PAK3: variants seen among roughly 807,000 people sequenced by gnomAD.
The protein encoded by PAK3 is serine/threonine-protein kinase PAK 3.
In PAK3, 4 loss-of-function variants were observed where a neutral mutation model predicts 41.0. The ratio of observed to expected loss-of-function variants is 0.10; its 90% CI spans 0.05 to 0.22. PAK3 has a LOEUF of 0.22. Among genes scored for constraint, PAK3 ranks in the 10% least tolerant of loss-of-function variants. PAK3 has a pLI of 1.00. For synonymous variants in PAK3, 146 were observed against 139.6 expected (o/e 1.05, Z -0.32); for missense variants, 205 against 409.9 (o/e 0.50, Z 4.32).
At chrX:111,051,290 TTGA>T (rs1044476685) in intron 1 of PAK3, among the ~76,000 whole-genome samples, 1 of 111,880 alleles carries the variant, frequency 8.9e-6, no homozygotes, top group Admixed American at 9.5e-5. Flanking sequence ...TAAATATTTG[TTGA>T]ATATGAATAT....
At chrX:111,009,547 C>T (rs902893591) in intron 1 of PAK3, among the ~76,000 whole-genome samples, 2 of 111,489 alleles carry the variant, frequency 1.8e-5, no homozygotes, top group Non-Finnish European at 3.8e-5. Context: ...TCAATTATGA[C>T]GTCTGAGAAT....
At chrX:111,104,139 T>A (rs1044352233) in intron 4 of PAK3, among the ~76,000 whole-genome samples, 15 of 111,703 alleles carry the variant, frequency 1.3e-4, no homozygotes, top group African/African-American at 4.9e-4. Context: ...CTATTTGTTT[T>A]TTTGTCTGCC....
chrX:111,011,808 G>A (rs1402581788), intron 1 of PAK3, among the ~76,000 whole-genome samples: 1 of 112,175 alleles, frequency 8.9e-6, no homozygotes, highest in African/African-American at 3.2e-5. Context: ...GTACTAGAAT[G>A]GGATTGTGAG....
In PAK3 at chrX:110,957,251, CA is replaced by C. The variant is rs1270914011; in HGVS notation, c.-28+12628del. ...CATGTATTATCTCATTTAATAGTCA[CA>C]AAAACCCTATGAGGCAGGCACTATT... On this transcript the variant is annotated intron_variant, in intron 1 of 14. Coordinates refer to the PAK3 transcript ENST00000425146. Among the ~76,000 whole-genome samples the C allele has an allele frequency of 4.4e-5, 5 of 112,394 alleles. No homozygotes were observed. The South Asian group carries it at 1.9e-3, about 42-fold the overall frequency.
At chrX:111,099,406 C>A (rs950459200) in intron 3 of PAK3, among the ~76,000 whole-genome samples, 1 of 111,186 alleles carries the variant, frequency 9.0e-6, no homozygotes, top group Non-Finnish European at 1.9e-5. Flanking sequence ...GGTGCAGCTA[C>A]AGCTGGGTCT....
In PAK3 at chrX:111,224,834, A is replaced by G. The variant is rs1268995535; in HGVS notation, c.*4387A>G. On this transcript the variant is annotated 3_prime_UTR_variant, in exon 18 of 18. Coordinates refer to ENST00000372007, the MANE Select transcript of PAK3 (RefSeq NM_002578.5). The stretch of plus-strand genomic sequence containing the variant: ...TAAAAGCAGACCCTATACCTAGAGA[A>G]GTCACTGGCTTTTTATTGGTCATTC... 1 of 112,533 alleles carries G rather than the reference A, an allele frequency of 8.9e-6. No individual in the cohort carries two copies. Among genetic ancestry groups the G allele is most frequent in the African/African-American group, 3.2e-5 (1 of 30,950 alleles). 9.3% of individuals were successfully genotyped at this position (112,533 alleles called of 1,213,427 possible). A position where few individuals can be genotyped will look rare whatever the true frequency, so the allele number is the denominator to read the frequency against.
intron 1 of PAK3, among the ~76,000 whole-genome samples, chrX:111,077,560 A>G (rs1476469103): frequency 1.8e-5 from 2 of 112,160 alleles, no homozygotes; most frequent in African/African-American, 6.5e-5. Flanking sequence ...CAATGGGGAA[A>G]GAACAGTCTC....
intron 1 of PAK3, among the ~76,000 whole-genome samples, chrX:111,055,483 G>A (rs957607912): frequency 8.9e-6 from 1 of 112,231 alleles, no homozygotes; most frequent in Non-Finnish European, 1.9e-5. Context: ...TCTTCACAGA[G>A]CATTTGGCAA....
intron 1 of PAK3, among the ~76,000 whole-genome samples, chrX:110,978,987 T>A (rs1433198189): frequency 9.0e-6 from 1 of 111,569 alleles, no homozygotes; most frequent in Admixed American, 9.6e-5. Context: ...AAATTACAAA[T>A]TCAGTTTTCT....
rs1396418269 is a variant in PAK3 at position 111,065,792 on chromosome X, T to C, written c.-27-57285T>C. ...TTTTTCCTGACTCAATCTTGGAAGATTGTGCATTGCCAGGAATTTATCCAT... is the reference window on the plus strand; with the variant it reads ...TTTTTCCTGACTCAATCTTGGAAGACTGTGCATTGCCAGGAATTTATCCAT... On this transcript the variant is annotated intron_variant, in intron 1 of 14. Transcript: ENST00000425146. Among the ~76,000 whole-genome samples, 85 of 111,561 alleles carry C rather than the reference T, an allele frequency of 7.6e-4. 6 individuals are homozygous for C. Among genetic ancestry groups the C allele is most frequent in the Non-Finnish European group, 5.7e-5 (3 of 53,020 alleles).
chrX:110,962,910 C>G (rs1042137021), intron 1 of PAK3, among the ~76,000 whole-genome samples: 5 of 110,917 alleles, frequency 4.5e-5, no homozygotes, highest in South Asian at 3.8e-4. Flanking sequence ...CTTTATCCCC[C>G]CTAGATGTAT....
In PAK3 at chrX:111,079,704, G is replaced by T. The variant is rs144966590; in HGVS notation, c.-27-43373G>T. Among the ~76,000 whole-genome samples, 398 of 112,304 alleles carry T rather than the reference G, an allele frequency of 3.5e-3. 3 individuals are homozygous for T. The highest frequency in any genetic ancestry group is 0.013 in the African/African-American group (387 of 30,960). On this transcript the variant is annotated intron_variant, in intron 1 of 14. Transcript: ENST00000425146. ...ATTTTATAAGGTTATAACTGCCATG[G>T]ATAGCAATTCTTCTGATCAGTCTGG...
intron 5 of PAK3, among the ~76,000 whole-genome samples, chrX:111,141,126 C>G (rs1237848828): frequency 2.7e-5 from 3 of 111,102 alleles, no homozygotes; most frequent in Non-Finnish European, 5.7e-5. Flanking sequence ...GATACATGCT[C>G]AGATCTGCTA....
intron 11 of PAK3, among the ~76,000 whole-genome samples, chrX:111,177,736 C>G (rs1175359689): frequency 9.0e-6 from 1 of 111,555 alleles, no homozygotes; most frequent in East Asian, 2.8e-4. Context: ...CAACAGCTAT[C>G]AATAGCAACC....
At chrX:111,172,962 C>T (rs1256769564) in intron 10 of PAK3, 56 bp from the exon 11 acceptor site, 7 of 641,749 alleles carry the variant, frequency 1.1e-5, no homozygotes, top group African/African-American at 2.2e-5. Flanking sequence ...ATTTCTCTCT[C>T]TCTCTCTCTC....
chrX:111,022,464 A>G lies in PAK3; in HGVS notation c.-28+77836A>G, dbSNP rs747059786. Among the ~76,000 whole-genome samples, 10 of 111,964 alleles carry G rather than the reference A, an allele frequency of 8.9e-5. No homozygotes were observed. The East Asian group carries it at 2.8e-3, about 32-fold the overall frequency. ...ATGAAGGAAAGACACAGTCTTTTCC[A>G]GACAAACAAATGCTAAGAGAATTCG... On this transcript the variant is annotated intron_variant, in intron 1 of 14. Coordinates refer to the PAK3 transcript ENST00000425146.
At chrX:111,144,372 C>A (rs1469661197) in intron 6 of PAK3, among the ~76,000 whole-genome samples, 1 of 112,037 alleles carries the variant, frequency 8.9e-6, no homozygotes, top group African/African-American at 3.2e-5. Context: ...ACTACTTGTT[C>A]ATACATTATT....
chrX:110,953,134 AT>A (rs1306658922), intron 1 of PAK3, among the ~76,000 whole-genome samples: 1 of 111,985 alleles, frequency 8.9e-6, no homozygotes, highest in Non-Finnish European at 1.9e-5. Flanking sequence ...CAAAGGTAAC[AT>A]TGTTTTTTTA....
chrX:110,993,752 T>C (rs1019291811), intron 1 of PAK3, among the ~76,000 whole-genome samples: 1 of 111,796 alleles, frequency 8.9e-6, no homozygotes, highest in Non-Finnish European at 1.9e-5. Flanking sequence ...ATGGAAATTC[T>C]AGTATTGTTT....
Sources: gnomAD v4.1 joint callset for allele counts (sites outside exome capture counted in the v4.1 genomes callset) on GRCh38, gnomAD v4.1.1 for gene constraint, MANE v1.5 for transcripts, NCBI Gene and HGNC (gene_info 2026-07-23, HGNC 2026-07-21) for gene names.